The following VAV3 variants were observed in gnomAD, a reference collection of about 807,000 sequenced individuals.
VAV3 encodes guanine nucleotide exchange factor VAV3.
Under a neutral mutation model 131.2 loss-of-function variants are expected in VAV3, and 94 were observed. That is an observed-to-expected ratio of 0.72 (90% CI 0.61 to 0.85). The LOEUF is 0.85. VAV3 is among the 40% of genes least tolerant of loss of function. The probability of loss-of-function intolerance (pLI) is 0.00; values close to 1 mark genes in which losing one functional copy is unlikely to be tolerated. For synonymous variants in VAV3, 349 were observed against 342.0 expected, an observed-to-expected ratio of 1.02 and a Z score of -0.22; for missense variants, 939 against 1,002.7, an observed-to-expected ratio of 0.94 and a Z score of 0.86.
chr1:107,849,995 G>A (rs554915734), intron 2 of VAV3, among the ~76,000 whole-genome samples: 19 of 152,322 alleles, frequency 1.2e-4, no homozygotes, highest in Non-Finnish European at 2.5e-4. Flanking sequence ...CTGGTCATTA[G>A]AGAAATTCAG....
At chr1:107,732,805 GC>G (rs1662338243) in intron 15 of VAV3, among the ~76,000 whole-genome samples, 1 of 152,216 alleles carries the variant, frequency 6.6e-6, no homozygotes, top group African/African-American at 2.4e-5. Context: ...ATAAAAGGCA[GC>G]AGAAACGTTT....
At chr1:107,783,488 G>T (rs1001876047) in intron 2 of VAV3, among the ~76,000 whole-genome samples, 2 of 152,122 alleles carry the variant, frequency 1.3e-5, no homozygotes, top group African/African-American at 4.8e-5. Context: ...GATGACCTGG[G>T]CTAGCTGTTA....
At chr1:107,751,599 G>A (rs12037244) in intron 12 of VAV3, among the ~76,000 whole-genome samples, 10 of 151,580 alleles carry the variant, frequency 6.6e-5, no homozygotes, top group African/African-American at 1.9e-4. Flanking sequence ...AGCACACTGC[G>A]CAGTGGAGGA....
intron 1 of VAV3, among the ~76,000 whole-genome samples, chr1:107,875,476 T>C (rs7544726): frequency 0.021 from 3,172 of 152,042 alleles, 124 homozygotes; most frequent in African/African-American, 0.072. Flanking sequence ...TGGAGAACCG[T>C]AGCACACAAC....
rs75553023 is a variant in VAV3, at chr1:107,671,425, A to G, written c.1777+12063T>C. 5.8e-3 allele frequency among the ~76,000 whole-genome samples: 885 copies of G among 152,350 alleles called. 10 individuals carry two copies. Among genetic ancestry groups the G allele is most frequent in the African/African-American group, 0.02 (852 of 41,584 alleles). ...ACACCTAATATTTTCATGATGACAT[A>G]TAAGACTTGCCAAATTAGAACTTGA... On this transcript the variant is annotated intron_variant, in intron 19 of 26. Transcript: ENST00000370056.
chr1:107,603,285 A>G, intron 22 of VAV3, 122 bp from the exon 23 acceptor site: 1 of 693,660 alleles, frequency 1.4e-6, no homozygotes, highest in Non-Finnish European at 2.5e-6. Flanking sequence ...ATTCTATACT[A>G]ATTACATTGT....
At chr1:107,654,396 T>A (rs893685246) in intron 19 of VAV3, among the ~76,000 whole-genome samples, 4 of 152,046 alleles carry the variant, frequency 2.6e-5, no homozygotes, top group Admixed American at 6.6e-5. Context: ...AAATATATAT[T>A]GTCTCCTTCC....
rs1299985435 is a variant in VAV3, at chr1:107,833,800, G to C, written c.321+41101C>G. Among the ~76,000 whole-genome samples the C allele has an allele frequency of 2.0e-5, 3 of 152,058 alleles. No homozygotes were observed. In the East Asian group the frequency reaches 5.8e-4, roughly 29 times the overall value. On this transcript the variant is annotated intron_variant, in intron 2 of 26. Coordinates refer to ENST00000370056, the MANE Select transcript of VAV3 (RefSeq NM_006113.5). ...TCTAGGGAGTCACTTGGATGACAAG[G>C]GTGGCTTCAAAAATGGTGCTAAAAT...
intron 2 of VAV3, among the ~76,000 whole-genome samples, chr1:107,820,416 A>G (rs913021614): frequency 6.6e-6 from 1 of 152,130 alleles, no homozygotes; most frequent in African/African-American, 2.4e-5. Flanking sequence ...AATTAAAACT[A>G]TTTAACTCAT....
At chr1:107,893,439 A>G (rs1006512759) in intron 1 of VAV3, among the ~76,000 whole-genome samples, 3 of 152,202 alleles carry the variant, frequency 2.0e-5, no homozygotes, top group Admixed American at 6.5e-5. Flanking sequence ...CTGCTGATAA[A>G]GAAATACCTG....
intron 15 of VAV3, among the ~76,000 whole-genome samples, chr1:107,706,085 T>C (rs1660435180): frequency 6.6e-6 from 1 of 152,084 alleles, no homozygotes; most frequent in South Asian, 2.1e-4. Context: ...GGCAGAAAAT[T>C]AGACTAGGAT....
intron 2 of VAV3, among the ~76,000 whole-genome samples, chr1:107,822,380 C>A (rs553579713): frequency 6.6e-6 from 1 of 151,962 alleles, no homozygotes; most frequent in Admixed American, 6.6e-5. Context: ...ATGGGCTGGG[C>A]GCGGTGGCTC....
intron 4 of VAV3, among the ~76,000 whole-genome samples, chr1:107,773,959 C>T (rs1249661945): frequency 1.3e-5 from 2 of 152,110 alleles, no homozygotes; most frequent in African/African-American, 4.8e-5. Flanking sequence ...TCCCTAACAT[C>T]ACCACCCCTG....
At chr1:107,753,549 T>TATTTATATATATATATACAC (rs771773884) in intron 12 of VAV3, among the ~76,000 whole-genome samples, 1 of 82,052 alleles carries the variant, frequency 1.2e-5, no homozygotes, top group Non-Finnish European at 2.5e-5. Flanking sequence ...TATATATATA[T>TATTTATATATATATATACAC]ACACACACAC....
At position 107,757,251 on chromosome 1, in the gene VAV3, TC is replaced by T. The variant is rs1450470520; in HGVS notation, c.1086+9del. On this transcript the variant is annotated intron_variant, in intron 11 of 26. Coordinates refer to ENST00000370056, the MANE Select transcript of VAV3 (RefSeq NM_006113.5). ...AAAATACAAACAAATTACTGATGAA[TC>T]TGCCCTACCTTCATGGCATCAAGAG... 1 of 1,610,292 alleles carries T rather than the reference TC, an allele frequency of 6.2e-7. No homozygotes were observed. Among genetic ancestry groups the T allele is most frequent in the Non-Finnish European group, 8.5e-7 (1 of 1,178,732 alleles).
At chr1:107,871,153 T>G (rs186419378) in intron 2 of VAV3, among the ~76,000 whole-genome samples, 1 of 152,292 alleles carries the variant, frequency 6.6e-6, no homozygotes, top group Admixed American at 6.5e-5. Flanking sequence ...AAAAATAATA[T>G]AGTAATTTCT....
intron 1 of VAV3, among the ~76,000 whole-genome samples, chr1:107,892,768 G>T (rs1264481377): frequency 2.6e-5 from 4 of 152,080 alleles, no homozygotes; most frequent in Admixed American, 2.6e-4. Context: ...CAAGTATTAG[G>T]TTTGCTCATG....
intron 25 of VAV3, among the ~76,000 whole-genome samples, chr1:107,575,989 T>C (rs1649618219): frequency 6.6e-6 from 1 of 152,226 alleles, no homozygotes; most frequent in South Asian, 2.1e-4. Context: ...TTTACTTTTA[T>C]ATTTGAAAAC....
chr1:107,961,411 T>C lies in VAV3; in HGVS notation c.204+3255A>G, dbSNP rs376358720. ...GCCCACCCAGTACAGCTATCACCAG[T>C]AGGCTCTTCTCTTCCAGAATCATTC... On this transcript the variant is annotated intron_variant, in intron 1 of 26. Transcript: ENST00000370056. Among the ~76,000 whole-genome samples the C allele has an allele frequency of 3.3e-5, 5 of 152,244 alleles. No homozygotes were observed. The East Asian group carries it at 7.7e-4, about 24-fold the overall frequency.
Sources: gnomAD v4.1 joint callset for allele counts (sites outside exome capture counted in the v4.1 genomes callset) on GRCh38, gnomAD v4.1.1 for gene constraint, MANE v1.5 for transcripts, NCBI Gene and HGNC (gene_info 2026-07-23, HGNC 2026-07-21) for gene names.